Variants in SHC4 observed in about 807,000 individuals in gnomAD.
SHC4 encodes SHC-transforming protein 4.
Under a neutral mutation model 69.4 loss-of-function variants are expected in SHC4, and 41 were observed. The ratio of observed to expected loss-of-function variants is 0.59; its 90% CI spans 0.46 to 0.77. The LOEUF (loss-of-function observed/expected upper bound fraction) is 0.77, where lower values mean the gene tolerates loss of function less well. SHC4 is among the 30% of genes least tolerant of loss of function. SHC4 has a pLI of 0.00. For missense variants in SHC4, 777 were observed against 783.8 expected (o/e 0.99, Z 0.10); for synonymous variants, 318 against 299.3 (o/e 1.06, Z -0.64).
intron 11 of SHC4, among the ~76,000 whole-genome samples, chr15:48,832,602 T>C (rs555694061): frequency 1.3e-5 from 2 of 152,352 alleles, no homozygotes; most frequent in East Asian, 1.9e-4. Flanking sequence ...ACATTATTTC[T>C]TTAAATAAGC....
At chr15:48,834,162 C>G (rs1898858219) in intron 11 of SHC4, among the ~76,000 whole-genome samples, 1 of 152,174 alleles carries the variant, frequency 6.6e-6, no homozygotes, top group Non-Finnish European at 1.5e-5. Flanking sequence ...TACAGGCATT[C>G]TTTGCTACTG....
chr15:48,878,315 A>G (rs777997601), intron 4 of SHC4: 2 of 1,613,700 alleles, frequency 1.2e-6, no homozygotes, highest in Non-Finnish European at 1.7e-6. Context: ...TCCCTCCCGC[A>G]GCGGGGCCCA....
rs140176247 is a variant in SHC4, at chr15:48,941,720, T to C, written c.586-16771A>G. 5.4e-3 allele frequency among the ~76,000 whole-genome samples: 821 copies of C among 152,316 alleles called. 6 individuals carry two copies. The highest frequency in any genetic ancestry group is 0.019 in the African/African-American group (787 of 41,568). Reference sequence around the variant, plus strand: ...AAAGTTGAAGATACAGTTGCCCTTTTCACATGTCTGGATACCTTTCTGGGA... The same window carrying C: ...AAAGTTGAAGATACAGTTGCCCTTTCCACATGTCTGGATACCTTTCTGGGA... On this transcript the variant is annotated intron_variant, in intron 1 of 11. Transcript: ENST00000332408.
chr15:48,886,662 T>C (rs1900041365), intron 3 of SHC4, among the ~76,000 whole-genome samples: 2 of 152,190 alleles, frequency 1.3e-5, no homozygotes, highest in South Asian at 4.1e-4. Flanking sequence ...CATGGGAATC[T>C]TAGGAGAATC....
At chr15:48,919,295 A>ATTTTTTTTTTTTGTTTTTTTTTTTTTT (rs1900692350) in intron 2 of SHC4, among the ~76,000 whole-genome samples, 1 of 71,216 alleles carries the variant, frequency 1.4e-5, no homozygotes, top group Non-Finnish European at 2.6e-5. Context: ...ATTTATTTTA[A>ATTTTTTTTTTTTGTTTTTTTTTTTTTT]TTTTTTTTTT....
chr15:48,840,691 A>G (rs779218339), intron 10 of SHC4, among the ~76,000 whole-genome samples: 5 of 152,200 alleles, frequency 3.3e-5, no homozygotes, highest in Admixed American at 6.5e-5. Flanking sequence ...CAGCTAAGCC[A>G]CGAAGCCTCA....
At position 48,857,155 on chromosome 15, in the gene SHC4, CT is replaced by C. The variant is rs370852453; in HGVS notation, c.1070+536del. ...GGGTTCAGCTTTCATTGCAGACTTT[CT>C]GTGCCTTAGAACAACCAAATCCTTG... is the stretch of plus-strand genomic sequence containing the variant. On this transcript the variant is annotated intron_variant, in intron 7 of 11. Transcript: ENST00000332408. 5.3e-3 allele frequency among the ~76,000 whole-genome samples: 801 copies of C among 152,334 alleles called. 5 individuals are homozygous for C. The highest frequency in any genetic ancestry group is 0.017 in the South Asian group (84 of 4,830).
chr15:48,923,729 T>C (rs1336241146), intron 2 of SHC4, among the ~76,000 whole-genome samples: 1 of 142,602 alleles, frequency 7.0e-6, no homozygotes, highest in Non-Finnish European at 1.5e-5. Flanking sequence ...AGCCTTGAAC[T>C]CCTGGGCTCA....
intron 1 of SHC4, among the ~76,000 whole-genome samples, chr15:48,937,110 T>A (rs887521735): frequency 2.0e-5 from 3 of 152,256 alleles, no homozygotes; most frequent in African/African-American, 7.2e-5. Flanking sequence ...TGCTATGTGA[T>A]TCATCATGTG....
At chr15:48,887,873 A>G (rs144265243) in intron 3 of SHC4, among the ~76,000 whole-genome samples, 315 of 152,314 alleles carry the variant, frequency 2.1e-3, no homozygotes, top group African/African-American at 7.2e-3. Context: ...ACTGTGAACA[A>G]TTGTATGCCA....
At chr15:48,953,231 A>T (rs7403057) in intron 1 of SHC4, among the ~76,000 whole-genome samples, 34,636 of 152,074 alleles carry the variant, frequency 0.23, 5,069 homozygotes, top group East Asian at 0.43. Flanking sequence ...ACGCATGGAC[A>T]TATAGAGGGG....
Position 48,962,905 on chromosome 15 carries a change from C to T in SHC4, c.111G>A (p.Ser37=). ...RAKYSRFRNE[S]ITSLDEGSSG... Reference sequence around the variant, plus strand: ...AGCTACCTTCGTCCAAGGACGTGATCGACTCGTTCCGAAAGCGGCTGTACT... The same window carrying T: ...AGCTACCTTCGTCCAAGGACGTGATTGACTCGTTCCGAAAGCGGCTGTACT... Residue 37 remains serine, a synonymous_variant, in exon 1 of 12, where the codon TCG becomes TCA. Transcript: ENST00000332408. 6.2e-7 allele frequency: 1 copy of T among 1,613,342 alleles called. No homozygotes were observed.
intron 2 of SHC4, among the ~76,000 whole-genome samples, chr15:48,923,925 G>A (rs1900798440): frequency 6.6e-6 from 1 of 152,140 alleles, no homozygotes; most frequent in Admixed American, 6.5e-5. Flanking sequence ...ACAAGCGTGA[G>A]CCACTGCACC....
At chr15:48,911,482 G>A (rs920446848) in intron 2 of SHC4, among the ~76,000 whole-genome samples, 4 of 152,070 alleles carry the variant, frequency 2.6e-5, no homozygotes, top group African/African-American at 9.7e-5. Flanking sequence ...TCTCCTAAAG[G>A]CAGCAGATAT....
At chr15:48,874,488 T>C (rs1482226189) in intron 4 of SHC4, among the ~76,000 whole-genome samples, 2 of 63,666 alleles carry the variant, frequency 3.1e-5, no homozygotes, top group East Asian at 4.5e-4. Context: ...CACATTACTG[T>C]CTGAGTTCTG....
At chr15:48,826,972 T>C (rs1898700994) in intron 11 of SHC4, among the ~76,000 whole-genome samples, 2 of 152,152 alleles carry the variant, frequency 1.3e-5, no homozygotes, top group South Asian at 4.1e-4. Flanking sequence ...GCCAAAGAAA[T>C]TCAATTTTCT....
At position 48,825,156 on chromosome 15, in the gene SHC4, GT is replaced by G. The variant is rs141055657; in HGVS notation, c.*814del. The stretch of plus-strand genomic sequence containing the variant: ...TCCATGCACTCATGAGGTTTTTTTT[GT>G]TTTTTTTGTTTTTTGTTTTTTGTCT... On this transcript the variant is annotated 3_prime_UTR_variant, in exon 12 of 12. Coordinates refer to ENST00000332408, the MANE Select transcript of SHC4 (RefSeq NM_203349.4). 7,925 of 151,326 alleles carry G rather than the reference GT, an allele frequency of 0.052. 395 individuals carry two copies. Among genetic ancestry groups the G allele is most frequent in the East Asian group, 0.22 (1,136 of 5,140 alleles). 9.4% of individuals were successfully genotyped at this position (151,326 alleles called of 1,614,324 possible). A position where few individuals can be genotyped will look rare whatever the true frequency, so the allele number is the denominator to read the frequency against.
At chr15:48,958,167 G>C (rs998646759) in intron 1 of SHC4, among the ~76,000 whole-genome samples, 5 of 152,204 alleles carry the variant, frequency 3.3e-5, no homozygotes, top group Admixed American at 2.6e-4. Flanking sequence ...GGCTGGGCTG[G>C]GCTGAAGTGA....
chr15:48,878,572 C>A (rs1478369742), intron 4 of SHC4: 3 of 1,613,930 alleles, frequency 1.9e-6, no homozygotes, highest in Non-Finnish European at 2.5e-6. Flanking sequence ...AAGAAGCCGA[C>A]AAGATGTTTC....
Sources: allele counts gnomAD v4.1 joint callset (sites outside exome capture counted in the v4.1 genomes callset), GRCh38; gene constraint gnomAD v4.1.1; transcripts MANE v1.5; gene names NCBI Gene and HGNC (gene_info 2026-07-23, HGNC 2026-07-21).